GOPC: variants seen among roughly 807,000 people sequenced by gnomAD.
GOPC encodes golgi associated PDZ and coiled-coil motif containing.
A neutral mutation model predicts 51.2 loss-of-function variants in GOPC; 32 were observed. The observed-to-expected ratio is 0.63, with a 90% confidence interval of 0.47 to 0.84. The LOEUF (loss-of-function observed/expected upper bound fraction) is 0.84, where lower values mean the gene tolerates loss of function less well. Among genes scored for constraint, GOPC ranks in the 40% least tolerant of loss-of-function variants. GOPC has a pLI of 0.00. For synonymous variants in GOPC, 190 were observed against 205.1 expected (o/e 0.93, Z 0.63); for missense variants, 441 against 555.5 (o/e 0.79, Z 2.07).
chr6:117,569,427 C>A, intron 7 of GOPC, 145 bp downstream of exon 7: 1 of 1,120,454 alleles, frequency 8.9e-7, no homozygotes. Flanking sequence ...GACTGAATGT[C>A]AGCTATAAAA....
intron 1 of GOPC, among the ~76,000 whole-genome samples, chr6:117,590,586 A>T (rs1263047054): frequency 1.3e-5 from 2 of 151,698 alleles, no homozygotes; most frequent in East Asian, 3.9e-4. Flanking sequence ...AAAAAAAAAA[A>T]AAAAAAAGAT....
intron 1 of GOPC, among the ~76,000 whole-genome samples, chr6:117,594,111 T>C (rs779012136): frequency 9.9e-5 from 15 of 152,184 alleles, no homozygotes; most frequent in Non-Finnish European, 2.2e-4. Flanking sequence ...CCAAATATTT[T>C]TGCATGGCCA....
In GOPC at chr6:117,575,157, A is replaced by G. The variant is rs1423369374; in HGVS notation, c.650+20T>C. 6.4e-7 allele frequency: 1 copy of G among 1,569,258 alleles called. No homozygotes were observed. Among genetic ancestry groups the G allele is most frequent in the Admixed American group, 1.9e-5 (1 of 51,878 alleles). ...CCAATTTGTCACTTAAGAGTACAATAATACCCATTTTTTACACACCTTCCT... is the reference window on the plus strand; with the variant it reads ...CCAATTTGTCACTTAAGAGTACAATGATACCCATTTTTTACACACCTTCCT... On this transcript the variant is annotated intron_variant, in intron 4 of 8. Transcript: ENST00000368498.
At chr6:117,564,511 T>C (rs555078936) in intron 8 of GOPC, among the ~76,000 whole-genome samples, 7 of 152,286 alleles carry the variant, frequency 4.6e-5, no homozygotes, top group African/African-American at 1.7e-4. Flanking sequence ...ATAATAGGCT[T>C]ATAAATAAAT....
At position 117,574,259 on chromosome 6, in the gene GOPC, T is replaced by TA. The variant is rs879696961; in HGVS notation, c.651-628dup. 7.3e-4 allele frequency among the ~76,000 whole-genome samples: 103 copies of TA among 140,420 alleles called. 1 individual carries two copies. The highest frequency in any genetic ancestry group is 1.4e-3 in the African/African-American group (55 of 38,310). 92.1% of individuals were successfully genotyped at this position (140,420 alleles called of 152,430 possible). A position where few individuals can be genotyped will look rare whatever the true frequency, so the allele number is the denominator to read the frequency against. On this transcript the variant is annotated intron_variant, in intron 4 of 8. Coordinates refer to ENST00000368498, the MANE Select transcript of GOPC (RefSeq NM_020399.4). ...GAGTGAGACCCCATCTCACAAAATT[T>TA]AAAAAAAAAAAAAAGTTACTAGAAA...
intron 1 of GOPC, among the ~76,000 whole-genome samples, chr6:117,592,137 C>A (rs925521097): frequency 3.9e-5 from 6 of 152,114 alleles, no homozygotes; most frequent in Non-Finnish European, 7.4e-5. Flanking sequence ...GAGGCCAAGG[C>A]GGGAGGATCA....
chr6:117,599,152 T>G (rs559735833), intron 1 of GOPC, among the ~76,000 whole-genome samples: 4 of 152,308 alleles, frequency 2.6e-5, no homozygotes, highest in Non-Finnish European at 1.5e-5. Flanking sequence ...ACATTATAAA[T>G]TACCCAAATT....
intron 3 of GOPC, chr6:117,575,555 G>C (rs1332805402): frequency 4.0e-6 from 3 of 746,890 alleles, no homozygotes; most frequent in Non-Finnish European, 4.9e-6. Context: ...GCACGCCATG[G>C]GTTACCCTGA....
At chr6:117,592,742 G>C (rs1269947827) in intron 1 of GOPC, among the ~76,000 whole-genome samples, 1 of 152,076 alleles carries the variant, frequency 6.6e-6, no homozygotes, top group African/African-American at 2.4e-5. Flanking sequence ...CTGAGGTTTT[G>C]GGGGTGGATA....
At chr6:117,575,788 C>T (rs1462492464) in intron 3 of GOPC, among the ~76,000 whole-genome samples, 1 of 152,104 alleles carries the variant, frequency 6.6e-6, no homozygotes, top group Non-Finnish European at 1.5e-5. Flanking sequence ...TTACAGAATC[C>T]ACAAATCCTA....
Position 117,563,593 on chromosome 6 carries a change from A to G in GOPC, c.1259-209T>C, listed in dbSNP as rs572578164. 5.3e-5 allele frequency among the ~76,000 whole-genome samples: 8 copies of G among 152,168 alleles called. No homozygotes were observed. In the South Asian group the frequency reaches 6.2e-4, roughly 12 times the overall value. ...AAAAATTCGCCGGGCATGGTGGCAC[A>G]TGCCTGTAATCCCAGCTATTTGGGA... On this transcript the variant is annotated intron_variant, in intron 8 of 8. Transcript: ENST00000368498.
At chr6:117,597,422 A>G (rs1780212736) in intron 1 of GOPC, among the ~76,000 whole-genome samples, 1 of 152,160 alleles carries the variant, frequency 6.6e-6, no homozygotes. Context: ...CTAGTACTAC[A>G]TTGAATAGAA....
At chr6:117,569,042 T>C (rs1779754754) in intron 7 of GOPC, among the ~76,000 whole-genome samples, 1 of 152,208 alleles carries the variant, frequency 6.6e-6, no homozygotes, top group South Asian at 2.1e-4. Context: ...GAATCTCAAT[T>C]CTATAATTTA....
chr6:117,602,259 T>C lies in GOPC; in HGVS notation c.30A>G (p.Ala10=). MSAGGPCPA[A]AGGGPGGASC... is the part of the protein sequence containing the mutation. The stretch of plus-strand genomic sequence containing the variant: ...AGGCGCCCCCTGGGCCCCCTCCGGC[T>C]GCTGCTGGGCATGGACCGCCCGCCG... Residue 10 remains alanine (A), a synonymous_variant, in exon 1 of 9, where the codon GCA becomes GCG. Coordinates refer to ENST00000368498, the MANE Select transcript of GOPC (RefSeq NM_020399.4). 3 of 1,597,278 alleles carry C rather than the reference T, an allele frequency of 1.9e-6. No individual in the cohort carries two copies. Among genetic ancestry groups the C allele is most frequent in the Non-Finnish European group, 2.5e-6 (3 of 1,178,590 alleles).
chr6:117,573,708 T>G, intron 4 of GOPC, 76 bp from the exon 5 acceptor site: 1 of 1,230,154 alleles, frequency 8.1e-7, no homozygotes, highest in South Asian at 1.8e-5. Flanking sequence ...TTAGTGAACA[T>G]AAGTAGCTTT....
At chr6:117,570,252 G>A (rs2114608085) in intron 6 of GOPC, among the ~76,000 whole-genome samples, 1 of 150,178 alleles carries the variant, frequency 6.7e-6, no homozygotes, top group East Asian at 1.9e-4. Context: ...AAAAAGGTAA[G>A]TATTCAAGAA....
chr6:117,602,088 T>C lies in GOPC; in HGVS notation c.201A>G (p.Arg67=), dbSNP rs1190675096. ...AGGAGCTCAGGCTGGTCATCTTCTG[T>C]CGCCCCTCATAAGTGATGTCCGCTT... The part of the protein sequence containing the change: ...PDQADITYEG[R]QKMTSLSSCF... Residue 67 remains arginine (R), a synonymous_variant, in exon 1 of 9, where the codon CGA becomes CGG. Coordinates refer to ENST00000368498, the MANE Select transcript of GOPC (RefSeq NM_020399.4). 1.2e-6 allele frequency: 2 copies of C among 1,614,164 alleles called. No individual in the cohort carries two copies. The highest frequency in any genetic ancestry group is 1.1e-5 in the South Asian group (1 of 91,084).
chr6:117,562,870 T>A lies in GOPC; in HGVS notation c.*384A>T, dbSNP rs181563931. 3.7e-4 allele frequency: 83 copies of A among 224,692 alleles called. No homozygotes were observed. Among genetic ancestry groups the A allele is most frequent in the African/African-American group, 1.8e-3 (83 of 44,880 alleles). 13.9% of individuals were successfully genotyped at this position (224,692 alleles called of 1,614,324 possible). ...TCTAGAATATAAAATATGAATTCACTTACTCTCTGTATTTTAAAGGGTACT... is the reference window on the plus strand; with the variant it reads ...TCTAGAATATAAAATATGAATTCACATACTCTCTGTATTTTAAAGGGTACT... On this transcript the variant is annotated 3_prime_UTR_variant, in exon 9 of 9. Coordinates refer to ENST00000368498, the MANE Select transcript of GOPC (RefSeq NM_020399.4).
rs1718604797 is a variant in GOPC, at chr6:117,561,514, G to A, written c.*1740C>T. ...AAATAAATACGGTGGCTAAAATCCA[G>A]TTTGCAGATCTCATGTCATGCATGG... On this transcript the variant is annotated 3_prime_UTR_variant, in exon 9 of 9. Transcript: ENST00000368498. 4.6e-6 allele frequency: 1 copy of A among 216,916 alleles called. No homozygotes were observed. Among genetic ancestry groups the A allele is most frequent in the East Asian group, 6.8e-5 (1 of 14,710 alleles). The allele number at this position is 216,916 out of a possible 1,614,324, so 13.4% of individuals were successfully genotyped here.
Sources: allele counts gnomAD v4.1 joint callset (sites outside exome capture counted in the v4.1 genomes callset), GRCh38; gene constraint gnomAD v4.1.1; transcripts MANE v1.5; gene names NCBI Gene and HGNC (gene_info 2026-07-23, HGNC 2026-07-21).